The following LPCAT3 variants were observed in gnomAD, a reference collection of about 807,000 sequenced individuals.
The protein encoded by LPCAT3 is lysophosphatidylcholine acyltransferase 3.
LPCAT3 carries 21 observed loss-of-function variants against 63.4 expected under a neutral mutation model. The ratio of observed to expected loss-of-function variants is 0.33; its 90% CI spans 0.23 to 0.48. LPCAT3 has a LOEUF of 0.48. LPCAT3 is among the 20% of genes least tolerant of loss of function. The pLI is 0.99. For missense variants in LPCAT3, 451 were observed against 590.6 expected (o/e 0.76, Z 2.45); for synonymous variants, 242 against 227.5 (o/e 1.06, Z -0.58).
intron 1 of LPCAT3, among the ~76,000 whole-genome samples, chr12:7,002,091 A>G (rs1365658039): frequency 1.3e-5 from 2 of 152,186 alleles, no homozygotes; most frequent in Non-Finnish European, 2.9e-5. Flanking sequence ...TGAAGCCCTC[A>G]GAGGCAGAGG....
At position 6,981,098 on chromosome 12, in the gene LPCAT3, C is replaced by G; in HGVS notation, c.583G>C (p.Gly195Arg). ...AACTGGGGCCCTACCAAGAAGGCCC[C>G]ATAGAAGTAGGAGAAACCAGCAACT... ...LEVAGFSYFY[G>R]AFLVGPQFSM... is the part of the protein sequence containing the mutation. The change falls in exon 6 of 13, where the codon GGG becomes CGG. Residue 195 changes from glycine to arginine, a missense_variant. Gly to Arg is a moderately radical substitution (Grantham distance 125, BLOSUM62 -2). This residue lies in a region of LPCAT3 where 304 missense variants were observed against 390.8 expected (regional missense o/e 0.78). Transcript: ENST00000261407. The G allele has an allele frequency of 6.2e-7, 1 of 1,614,026 alleles. No individual in the cohort carries two copies. The highest frequency in any genetic ancestry group is 8.5e-7 in the Non-Finnish European group (1 of 1,179,960).
intron 1 of LPCAT3, among the ~76,000 whole-genome samples, chr12:6,990,567 T>A (rs7487926): frequency 0.36 from 43,048 of 120,658 alleles, 7,803 homozygotes; most frequent in Middle Eastern, 0.55. Flanking sequence ...ATAAATAAAT[T>A]GAGCACCCCA....
intron 1 of LPCAT3, among the ~76,000 whole-genome samples, chr12:6,994,808 A>G (rs1292540052): frequency 6.6e-6 from 1 of 152,144 alleles, no homozygotes; most frequent in Non-Finnish European, 1.5e-5. Context: ...GCTGACTACA[A>G]TTTGAATAGA....
At chr12:6,992,894 C>G (rs782459001) in intron 1 of LPCAT3, among the ~76,000 whole-genome samples, 1 of 152,282 alleles carries the variant, frequency 6.6e-6, no homozygotes, top group Non-Finnish European at 1.5e-5. Flanking sequence ...TTCACATACA[C>G]TTTAAATCAT....
chr12:7,007,497 T>TC (rs1330284969), intron 1 of LPCAT3, among the ~76,000 whole-genome samples: 1 of 148,324 alleles, frequency 6.7e-6, no homozygotes, highest in African/African-American at 2.5e-5. Flanking sequence ...CAAAAGCTTT[T>TC]TTTTTTTTTT....
At chr12:6,991,920 G>A (rs1312133985) in intron 1 of LPCAT3, among the ~76,000 whole-genome samples, 1 of 152,050 alleles carries the variant, frequency 6.6e-6, no homozygotes, top group African/African-American at 2.4e-5. Context: ...CTCAGGATCA[G>A]GCATGGTGGC....
At chr12:7,016,014 C>T (rs1437916195) in intron 1 of LPCAT3, among the ~76,000 whole-genome samples, 1 of 152,112 alleles carries the variant, frequency 6.6e-6, no homozygotes, top group Non-Finnish European at 1.5e-5. Flanking sequence ...TAACAGATTG[C>T]CCCTTATAAC....
intron 9 of LPCAT3, chr12:6,978,041 G>A: frequency 1.8e-6 from 1 of 560,112 alleles, no homozygotes; most frequent in Non-Finnish European, 3.2e-6. Context: ...CACTCTAGTG[G>A]TGGGGACAAA....
chr12:7,018,166 G>A lies in LPCAT3; in HGVS notation c.151+108C>T, dbSNP rs782163944. 7.6e-5 allele frequency: 102 copies of A among 1,338,246 alleles called. No individual in the cohort carries two copies. Among genetic ancestry groups the A allele is most frequent in the African/African-American group, 1.0e-4 (7 of 68,882 alleles). 82.9% of individuals were successfully genotyped at this position (1,338,246 alleles called of 1,614,324 possible). A position where few individuals can be genotyped will look rare whatever the true frequency, so the allele number is the denominator to read the frequency against. ...GCTTCAGGATTCACACCCGCACCCG[G>A]CACAGCCCTCCCGGGTGGCTCCGGG... On this transcript the variant is annotated intron_variant, in intron 1 of 12. Coordinates refer to ENST00000261407, the MANE Select transcript of LPCAT3 (RefSeq NM_005768.6). The surrounding 1 kb of genome is among the most constrained non-coding windows in gnomAD (Gnocchi z 4.9).
rs1946413706 is a variant in LPCAT3, at chr12:6,977,185, T to C, written c.1425A>G (p.Ala475=). 1 of 1,613,596 alleles carries C rather than the reference T, an allele frequency of 6.2e-7. No individual in the cohort carries two copies. The highest frequency in any genetic ancestry group is 1.3e-5 in the African/African-American group (1 of 74,944). Residue 475 remains alanine, a synonymous_variant, in exon 12 of 13, where the codon GCA becomes GCG. Transcript: ENST00000261407. This position sits in a 1 kb window ranked among gnomAD's most constrained non-coding sequence, Gnocchi z 4.5. ...LLFILPYIHK[A]MVPRKEKLKK... is the part of the protein sequence containing the mutation. ...TTAACTTCTCTTTCCTTGGCACCAT[T>C]GCTTTGTGAATATAAGGCAATATGA...
At chr12:7,002,437 A>C (rs1555156577) in intron 1 of LPCAT3, among the ~76,000 whole-genome samples, 2 of 152,164 alleles carry the variant, frequency 1.3e-5, no homozygotes, top group African/African-American at 4.8e-5. Context: ...CAAGTGCCTA[A>C]TTAGCTGTTT....
In LPCAT3 at chr12:6,977,941, C is replaced by G. The variant is rs746615563; in HGVS notation, c.1041-196G>C. The G allele has an allele frequency of 1.6e-6, 1 of 619,902 alleles. No individual in the cohort carries two copies. The allele number at this position is 619,902 out of a possible 1,614,324, so 38.4% of individuals were successfully genotyped here. ...GCAGACCCAAGGCGGAGCTGGAGAC[C>G]GTGTGCGCACGAGCCACTTGGTTCA... On this transcript the variant is annotated intron_variant, in intron 9 of 12. Coordinates refer to ENST00000261407, the MANE Select transcript of LPCAT3 (RefSeq NM_005768.6). This position sits in a 1 kb window ranked among gnomAD's most constrained non-coding sequence, Gnocchi z 4.5.
rs782005649 is a variant in LPCAT3, at chr12:6,987,304, G to A, written c.152-3765C>T. 1.3e-5 allele frequency among the ~76,000 whole-genome samples: 2 copies of A among 152,272 alleles called. No homozygotes were observed. Among genetic ancestry groups the A allele is most frequent in the African/African-American group, 4.8e-5 (2 of 41,556 alleles). On this transcript the variant is annotated intron_variant, in intron 1 of 12. Transcript: ENST00000261407. The surrounding 1 kb of genome is among the most constrained non-coding windows in gnomAD (Gnocchi z 4.1). ...GCCAGGTATTCTGTTTATGAAGCACGTAATTGGGTAGGAGGTGGCATGTGA... is the reference window on the plus strand; with the variant it reads ...GCCAGGTATTCTGTTTATGAAGCACATAATTGGGTAGGAGGTGGCATGTGA...
chr12:6,986,045 G>A (rs1481478556), intron 1 of LPCAT3, among the ~76,000 whole-genome samples: 1 of 151,670 alleles, frequency 6.6e-6, no homozygotes, highest in Non-Finnish European at 1.5e-5. Flanking sequence ...AAAGTGCTAG[G>A]ATTACAGGCG....
At chr12:6,997,655 C>T (rs186439363) in intron 1 of LPCAT3, among the ~76,000 whole-genome samples, 1,782 of 149,820 alleles carry the variant, frequency 0.012, 30 homozygotes, top group African/African-American at 0.04. Context: ...GGCGTGATCT[C>T]GGCTCACCGT....
At chr12:6,996,919 A>G (rs1003209158) in intron 1 of LPCAT3, among the ~76,000 whole-genome samples, 3 of 152,200 alleles carry the variant, frequency 2.0e-5, no homozygotes, top group Non-Finnish European at 4.4e-5. Context: ...ATTCACTCCA[A>G]GAGACTGGGC....
At chr12:7,010,288 T>C (rs1555157123) in intron 1 of LPCAT3, among the ~76,000 whole-genome samples, 3 of 152,230 alleles carry the variant, frequency 2.0e-5, no homozygotes, top group Admixed American at 6.5e-5. Flanking sequence ...CTCTTCCTGA[T>C]CTCCAGATTA....
intron 1 of LPCAT3, among the ~76,000 whole-genome samples, chr12:7,010,929 C>T (rs782226839): frequency 1.3e-5 from 2 of 152,098 alleles, no homozygotes; most frequent in Non-Finnish European, 2.9e-5. Context: ...TCTCAAATTC[C>T]TGGGCTCAAA....
chr12:6,996,714 T>C (rs75151422), intron 1 of LPCAT3, among the ~76,000 whole-genome samples: 6,672 of 152,180 alleles, frequency 0.044, 233 homozygotes, highest in African/African-American at 0.097. Context: ...CTTTCTATTC[T>C]TAAGGAGCAA....
Sources: gnomAD v4.1 joint callset for allele counts (sites outside exome capture counted in the v4.1 genomes callset) on GRCh38, gnomAD v4.1.1 for gene constraint, gnomAD v4.1.1 regional missense constraint, Gnocchi (gnomAD v3.1) non-coding constraint, MANE v1.5 for transcripts, NCBI Gene and HGNC (gene_info 2026-07-23, HGNC 2026-07-21) for gene names.